Variants in FNDC3B observed in about 807,000 individuals in gnomAD.
The protein encoded by FNDC3B is fibronectin type III domain containing 3B, also known as fibronectin type III domain-containing protein 3B.
FNDC3B carries 12 observed loss-of-function variants against 151.5 expected under a neutral mutation model. The ratio of observed to expected loss-of-function variants is 0.08; its 90% confidence interval spans 0.05 to 0.13. The LOEUF is 0.13. FNDC3B is among the 10% of genes least tolerant of loss of function. The pLI is 1.00. For synonymous variants in FNDC3B, 528 were observed against 549.0 expected (o/e 0.96, Z 0.54); for missense variants, 1,214 against 1,505.3 (o/e 0.81, Z 3.20).
chr3:172,080,973 C>CA (rs1211541267), intron 1 of FNDC3B, among the ~76,000 whole-genome samples: 1 of 152,210 alleles, frequency 6.6e-6, no homozygotes, highest in Admixed American at 6.5e-5. Context: ...ATAGTTAATG[C>CA]ACTCTTAAAA....
At chr3:172,087,113 A>G (rs1456997084) in intron 1 of FNDC3B, among the ~76,000 whole-genome samples, 1 of 152,236 alleles carries the variant, frequency 6.6e-6, no homozygotes, top group Admixed American at 6.5e-5. Context: ...ACGGAATGAG[A>G]AGGATAATTT....
intron 11 of FNDC3B, among the ~76,000 whole-genome samples, chr3:172,316,241 T>TC (rs1731784380): frequency 6.6e-6 from 1 of 152,054 alleles, no homozygotes; most frequent in Non-Finnish European, 1.5e-5. Flanking sequence ...CCTCAGGTGA[T>TC]CACCCAGCTC....
intron 3 of FNDC3B, among the ~76,000 whole-genome samples, chr3:172,135,400 C>G (rs1355286046): frequency 6.6e-6 from 1 of 152,018 alleles, no homozygotes; most frequent in African/African-American, 2.4e-5. Flanking sequence ...GTATATTGCT[C>G]TCTTCACAAA....
chr3:172,204,016 G>T (rs1032916304), intron 3 of FNDC3B, among the ~76,000 whole-genome samples: 1 of 152,196 alleles, frequency 6.6e-6, no homozygotes, highest in Admixed American at 6.5e-5. Context: ...CGTTCTTTCT[G>T]CTGTGAACTA....
rs368187845 is a variant in FNDC3B, at chr3:172,259,403, C to G, written c.790+7862C>G. Among the ~76,000 whole-genome samples, 11 of 152,302 alleles carry G rather than the reference C, an allele frequency of 7.2e-5. No individual in the cohort carries two copies. The South Asian group carries it at 2.3e-3, about 32-fold the overall frequency. ...TAGTTATAGAGGCCTCTGAGTGACT[C>G]TAGTTAGGGGCCGAGCGCACTTGAA... is the stretch of plus-strand genomic sequence containing the variant. On this transcript the variant is annotated intron_variant, in intron 6 of 25. Transcript: ENST00000415807.
intron 24 of FNDC3B, among the ~76,000 whole-genome samples, chr3:172,380,111 A>G (rs186444265): frequency 1.2e-4 from 18 of 151,948 alleles, no homozygotes; most frequent in African/African-American, 4.1e-4. Context: ...TTTCTGAAAC[A>G]ATAACACACA....
intron 3 of FNDC3B, among the ~76,000 whole-genome samples, chr3:172,154,822 A>T (rs1231435937): frequency 1.3e-5 from 2 of 152,158 alleles, no homozygotes; most frequent in Non-Finnish European, 2.9e-5. Context: ...TTATAACTTT[A>T]ATCTGTCTCC....
In FNDC3B at chr3:172,296,877, GTGTATACGCTC is replaced by G. The variant is rs528774016; in HGVS notation, c.1001+1367_1001+1377del. 7.5e-4 allele frequency among the ~76,000 whole-genome samples: 114 copies of G among 152,300 alleles called. 3 individuals are homozygous for G. The South Asian group carries it at 0.023, about 31-fold the overall frequency. The stretch of plus-strand genomic sequence containing the variant: ...CAGGGCCAACTGGGGACTTGAGTAT[GTGTATACGCTC>G]TGTGGGGGTGGGGTCCTGGTACTGA... On this transcript the variant is annotated intron_variant, in intron 8 of 25. Transcript: ENST00000415807.
intron 3 of FNDC3B, among the ~76,000 whole-genome samples, chr3:172,141,437 C>G (rs761246110): frequency 2.6e-5 from 4 of 152,346 alleles, no homozygotes; most frequent in African/African-American, 9.6e-5. Flanking sequence ...CAGCCGTTCA[C>G]TCTTGCACCA....
intron 3 of FNDC3B, among the ~76,000 whole-genome samples, chr3:172,209,343 G>A (rs1375238026): frequency 6.6e-5 from 10 of 152,160 alleles, no homozygotes; most frequent in Admixed American, 5.2e-4. Context: ...AGCTCCTTTC[G>A]TTCCTGCTGT....
intron 11 of FNDC3B, among the ~76,000 whole-genome samples, chr3:172,322,807 C>A (rs751584602): frequency 6.6e-6 from 1 of 152,166 alleles, no homozygotes; most frequent in African/African-American, 2.4e-5. Context: ...CAGTGCTACT[C>A]AGCCAGCCAG....
At chr3:172,116,932 G>C (rs1720287165) in intron 2 of FNDC3B, among the ~76,000 whole-genome samples, 2 of 152,074 alleles carry the variant, frequency 1.3e-5, no homozygotes, top group Admixed American at 1.3e-4. Flanking sequence ...CTTTTTTATT[G>C]CCAAATATTT....
At chr3:172,162,659 GT>G (rs35538458) in intron 3 of FNDC3B, among the ~76,000 whole-genome samples, 93,833 of 135,022 alleles carry the variant, frequency 0.69, 32,850 homozygotes, top group African/African-American at 0.73. Flanking sequence ...TTATTACCTG[GT>G]TTTTTTTTTT....
intron 6 of FNDC3B, among the ~76,000 whole-genome samples, chr3:172,270,482 C>T (rs1355903090): frequency 3.3e-5 from 5 of 152,166 alleles, no homozygotes; most frequent in Non-Finnish European, 5.9e-5. Context: ...GTGCCTTTGC[C>T]CTCTCTATTC....
chr3:172,262,560 T>A (rs913491115), intron 6 of FNDC3B, among the ~76,000 whole-genome samples: 3 of 152,004 alleles, frequency 2.0e-5, no homozygotes, highest in Admixed American at 2.0e-4. Flanking sequence ...TATTTTAGAG[T>A]TTTGATGTGC....
intron 1 of FNDC3B, among the ~76,000 whole-genome samples, chr3:172,060,247 A>T (rs762233953): frequency 4.6e-5 from 7 of 152,144 alleles, no homozygotes; most frequent in Non-Finnish European, 8.8e-5. Context: ...AAGATGGTAG[A>T]TTTAATTTAA....
chr3:172,316,750 G>A (rs946957638), intron 11 of FNDC3B, among the ~76,000 whole-genome samples: 3 of 152,194 alleles, frequency 2.0e-5, no homozygotes, highest in Non-Finnish European at 2.9e-5. Context: ...TCATATTGAT[G>A]ATATATATCA....
chr3:172,231,581 C>T (rs1726892364), intron 4 of FNDC3B, among the ~76,000 whole-genome samples: 1 of 152,126 alleles, frequency 6.6e-6, no homozygotes, highest in African/African-American at 2.4e-5. Flanking sequence ...GTGATGGTAA[C>T]TACTATGAAT....
At chr3:172,311,619 C>T (rs1731496399) in intron 11 of FNDC3B, among the ~76,000 whole-genome samples, 2 of 151,598 alleles carry the variant, frequency 1.3e-5, no homozygotes, top group African/African-American at 4.9e-5. Flanking sequence ...GTAATCCCAG[C>T]ACTTTGGGAG....
Sources: allele counts gnomAD v4.1 joint callset (sites outside exome capture counted in the v4.1 genomes callset), GRCh38; gene constraint gnomAD v4.1.1; transcripts MANE v1.5; gene names NCBI Gene and HGNC (gene_info 2026-07-23, HGNC 2026-07-21).